Variants in KBTBD3 observed in about 807,000 individuals in gnomAD.
KBTBD3 encodes kelch repeat and BTB domain-containing protein 3.
KBTBD3 carries 38 observed loss-of-function variants against 49.6 expected under a neutral mutation model. The ratio of observed to expected loss-of-function variants is 0.77; its 90% CI spans 0.59 to 1.00. The LOEUF is 1.00. Ranked by LOEUF, KBTBD3 falls within the 50% of genes least tolerant of loss-of-function variation. The pLI, the probability that KBTBD3 is intolerant of heterozygous loss-of-function variation, is 0.00. For missense variants in KBTBD3, 661 were observed against 712.0 expected (o/e 0.93, Z 0.81); for synonymous variants, 214 against 250.4 (o/e 0.85, Z 1.37).
chr11:106,065,925 C>A (rs1467123454), intron 2 of KBTBD3, among the ~76,000 whole-genome samples: 5 of 145,086 alleles, frequency 3.4e-5, no homozygotes, highest in African/African-American at 1.3e-4. Flanking sequence ...CACACCACTG[C>A]ACTCCAGCCT....
intron 2 of KBTBD3, among the ~76,000 whole-genome samples, chr11:106,068,303 C>G (rs1591538290): frequency 6.6e-6 from 1 of 152,130 alleles, no homozygotes; most frequent in East Asian, 1.9e-4. Context: ...TATTCTTTCA[C>G]CACGATGAAA....
At chr11:106,057,491 G>A (rs574439865) in intron 3 of KBTBD3, 1 of 152,248 alleles carries the variant, frequency 6.6e-6, no homozygotes, top group East Asian at 1.9e-4. Flanking sequence ...TCACCAAAAG[G>A]GGCTTGTCTA....
chr11:106,064,401 C>T (rs1348622638), intron 2 of KBTBD3, among the ~76,000 whole-genome samples: 4 of 151,644 alleles, frequency 2.6e-5, no homozygotes, highest in East Asian at 3.9e-4. Flanking sequence ...AAAAATTAGC[C>T]GGGCATGATG....
At chr11:106,064,647 A>G (rs1860770969) in intron 2 of KBTBD3, among the ~76,000 whole-genome samples, 1 of 152,214 alleles carries the variant, frequency 6.6e-6, no homozygotes, top group Non-Finnish European at 1.5e-5. Flanking sequence ...AACAGTCTAT[A>G]CTAGTTTGAC....
intron 2 of KBTBD3, among the ~76,000 whole-genome samples, chr11:106,072,072 G>A (rs1333316521): frequency 6.6e-6 from 1 of 152,016 alleles, no homozygotes; most frequent in Non-Finnish European, 1.5e-5. Flanking sequence ...AAATCACTCT[G>A]GTTGGGTAGT....
At chr11:106,063,778 A>C (rs1860751222) in intron 2 of KBTBD3, among the ~76,000 whole-genome samples, 1 of 152,082 alleles carries the variant, frequency 6.6e-6, no homozygotes, top group Non-Finnish European at 1.5e-5. Flanking sequence ...TAAAAATGCA[A>C]AATTTAGCTG....
intron 2 of KBTBD3, among the ~76,000 whole-genome samples, chr11:106,063,680 C>G (rs1860749038): frequency 6.6e-6 from 1 of 152,130 alleles, no homozygotes; most frequent in Non-Finnish European, 1.5e-5. Context: ...TGCCTGTAAT[C>G]CCAGCACTTT....
Position 106,071,879 on chromosome 11 carries a change from T to A in KBTBD3, c.-13+4628A>T, listed in dbSNP as rs544718214. Among the ~76,000 whole-genome samples the A allele has an allele frequency of 3.9e-5, 6 of 152,282 alleles. No homozygotes were observed. The South Asian group carries it at 1.2e-3, about 32-fold the overall frequency. On this transcript the variant is annotated intron_variant, in intron 2 of 3. Coordinates refer to ENST00000531837, the MANE Select transcript of KBTBD3 (RefSeq NM_198439.3). ...GAATATTAAGTTAATATCGTCAAAT[T>A]ATATGTAAATATTAATGATTAAAAT...
At chr11:106,061,877 A>G (rs995412352) in intron 2 of KBTBD3, among the ~76,000 whole-genome samples, 5 of 150,720 alleles carry the variant, frequency 3.3e-5, no homozygotes, top group South Asian at 2.1e-4. Context: ...GTGTGTGTGT[A>G]TATATATATC....
In KBTBD3 at chr11:106,053,544, T is replaced by A. The variant is rs1042081213; in HGVS notation, c.1145A>T (p.Asp382Val). 8.7e-6 allele frequency: 14 copies of A among 1,613,658 alleles called. No individual in the cohort carries two copies. The African/African-American group carries it at 1.7e-4, about 20-fold the overall frequency. The stretch of plus-strand genomic sequence containing the variant: ...TTTCATAGTTGATACCAAGAAGAAA[T>A]CATTTTTCACTGGACAGTAGCACCA... ...QTWCYCPVKN[D>V]FFLVSTMKTP... Residue 382 changes from aspartate to valine, a missense_variant, in exon 4 of 4, where the codon GAT (aspartate) becomes GTT (valine). By Grantham distance (152) the Asp-to-Val change is radical (BLOSUM62 -3). Transcript: ENST00000531837.
In KBTBD3 at chr11:106,064,382, T is replaced by C. The variant is rs921238918; in HGVS notation, c.-12-5273A>G. 2.6e-5 allele frequency among the ~76,000 whole-genome samples: 4 copies of C among 151,520 alleles called. 1 individual carries two copies. The South Asian group carries it at 8.4e-4, about 32-fold the overall frequency. ...CCAAAATGGTGAAACCCCGTCTCTA[T>C]GAAAATACAAAAATTAGCCGGGCAT... On this transcript the variant is annotated intron_variant, in intron 2 of 3. Transcript: ENST00000531837.
intron 2 of KBTBD3, among the ~76,000 whole-genome samples, chr11:106,072,554 T>C (rs1288461873): frequency 6.6e-6 from 1 of 152,226 alleles, no homozygotes. Flanking sequence ...TTATTCTTTT[T>C]TTTAAAAGCC....
At chr11:106,071,193 T>C (rs1860911068) in intron 2 of KBTBD3, among the ~76,000 whole-genome samples, 2 of 152,154 alleles carry the variant, frequency 1.3e-5, no homozygotes, top group Non-Finnish European at 2.9e-5. Flanking sequence ...AATTATTTAA[T>C]TGGTATAAAA....
At chr11:106,072,754 G>A (rs1024967636) in intron 2 of KBTBD3, among the ~76,000 whole-genome samples, 4 of 151,982 alleles carry the variant, frequency 2.6e-5, no homozygotes, top group African/African-American at 7.3e-5. Flanking sequence ...TCTTAGTTTC[G>A]TCACTGATGT....
At chr11:106,074,614 T>C (rs1860993925) in intron 2 of KBTBD3, among the ~76,000 whole-genome samples, 1 of 152,226 alleles carries the variant, frequency 6.6e-6, no homozygotes, top group Non-Finnish European at 1.5e-5. Context: ...AGGGCATAGA[T>C]TTCTAGATTT....
intron 2 of KBTBD3, among the ~76,000 whole-genome samples, chr11:106,062,186 A>G (rs1291034426): frequency 6.6e-6 from 1 of 152,154 alleles, no homozygotes; most frequent in Non-Finnish European, 1.5e-5. Context: ...AGGGAGACAT[A>G]TTAAAAATGA....
At chr11:106,074,988 C>G (rs1395717526) in intron 2 of KBTBD3, among the ~76,000 whole-genome samples, 1 of 152,134 alleles carries the variant, frequency 6.6e-6, no homozygotes, top group Non-Finnish European at 1.5e-5. Flanking sequence ...CTAAAAAACA[C>G]CTAGACTTAG....
Position 106,061,333 on chromosome 11 carries a change from G to A in KBTBD3, c.-12-2224C>T, listed in dbSNP as rs576094364. Among the ~76,000 whole-genome samples the A allele has an allele frequency of 3.9e-5, 6 of 152,332 alleles. No individual in the cohort carries two copies. The South Asian group carries it at 1.0e-3, about 26-fold the overall frequency. ...GCAATACAGTAACCATGAGCCATGT[G>A]TAGCTATTTAAATTACTTGTAAGTA... On this transcript the variant is annotated intron_variant, in intron 2 of 3. Transcript: ENST00000531837.
intron 3 of KBTBD3, 97 bp from the exon 4 acceptor site, chr11:106,054,552 A>C: frequency 1.2e-6 from 1 of 802,638 alleles, no homozygotes; most frequent in South Asian, 5.0e-5. Flanking sequence ...CTTGACTTAA[A>C]TATATTTATA....
Sources: gnomAD v4.1 joint callset for allele counts (sites outside exome capture counted in the v4.1 genomes callset) on GRCh38, gnomAD v4.1.1 for gene constraint, MANE v1.5 for transcripts, NCBI Gene and HGNC (gene_info 2026-07-23, HGNC 2026-07-21) for gene names.